NDUFB5: variants seen among roughly 807,000 people sequenced by gnomAD.
The protein encoded by NDUFB5 is NADH dehydrogenase [ubiquinone] 1 beta subcomplex subunit 5, mitochondrial.
A neutral mutation model predicts 19.4 loss-of-function variants in NDUFB5; 19 were observed. The ratio of observed to expected loss-of-function variants is 0.98; its 90% CI spans 0.68 to 1.43. The LOEUF is 1.43. NDUFB5 is among the 40% of genes most tolerant of loss of function. The pLI is 0.00. For synonymous variants in NDUFB5, 80 were observed against 82.6 expected (o/e 0.97, Z 0.17); for missense variants, 233 against 236.5 (o/e 0.99, Z 0.10).
chr3:179,615,726 T>C, intron 2 of NDUFB5: 1 of 559,680 alleles, frequency 1.8e-6, no homozygotes, highest in Non-Finnish European at 3.3e-6. Context: ...TTACTTTTCT[T>C]GTTATGACCA....
intron 1 of NDUFB5, among the ~76,000 whole-genome samples, chr3:179,609,289 G>A (rs1400156658): frequency 1.3e-5 from 2 of 152,174 alleles, no homozygotes; most frequent in African/African-American, 2.4e-5. Context: ...GGCATTGTGG[G>A]TGGTGAAAGA....
chr3:179,619,014 T>C (rs1560026537), intron 5 of NDUFB5, among the ~76,000 whole-genome samples: 1 of 152,168 alleles, frequency 6.6e-6, no homozygotes. Flanking sequence ...TTGCCCCAGC[T>C]GGGAAGCAGA....
intron 1 of NDUFB5, among the ~76,000 whole-genome samples, chr3:179,613,911 A>C (rs757127281): frequency 2.0e-5 from 3 of 152,242 alleles, no homozygotes; most frequent in Non-Finnish European, 2.9e-5. Context: ...ATCTTGGAAG[A>C]TAAGATGTTA....
rs544915275 is a variant in NDUFB5, at chr3:179,608,153, G to A, written c.124+3214G>A. On this transcript the variant is annotated intron_variant, in intron 1 of 5. Coordinates refer to ENST00000259037, the MANE Select transcript of NDUFB5 (RefSeq NM_002492.4). ...ATTTCTTGCCATCCAATAATGAGAT[G>A]CAGATGAACTGGGGAGGAAGAGAGT... 7.1e-4 allele frequency among the ~76,000 whole-genome samples: 108 copies of A among 151,988 alleles called. 1 individual carries two copies. The highest frequency in any genetic ancestry group is 3.4e-3 in the Middle Eastern group (1 of 294).
Position 179,626,720 on chromosome 3 carries a change from A to G in NDUFB5, c.*2680A>G, listed in dbSNP as rs1719681295. On this transcript the variant is annotated 3_prime_UTR_variant, in exon 6 of 6. Transcript: ENST00000259037. ...TAATTTTTTTGTATTTTTAGTAGAG[A>G]GGGGGTGTCACCATGTTGGCCAGGG... 1.3e-5 allele frequency: 2 copies of G among 151,916 alleles called. No individual in the cohort carries two copies. Among genetic ancestry groups the G allele is most frequent in the Non-Finnish European group, 2.9e-5 (2 of 68,018 alleles). The allele number at this position is 151,916 out of a possible 1,614,324, so 9.4% of individuals were successfully genotyped here.
chr3:179,616,028 ACT>A lies in NDUFB5; in HGVS notation c.262_263del (p.Leu88GlyfsTer9). ...LTGIPVAIFITLVNVFIGQAE... is the reference protein window; with the variant it reads ...LTGIPVAIFIXLVNVFIGQAE... ...TGGGATTCCAGTAGCAATTTTCATA[ACT>A]CTGGTGAATGTATTCATTGGTAAGT... On this transcript the variant is annotated frameshift_variant, in exon 3 of 6. Transcript: ENST00000259037. LOFTEE classifies it high-confidence loss of function. 2 of 1,613,604 alleles carry A rather than the reference ACT, an allele frequency of 1.2e-6. No individual in the cohort carries two copies. The highest frequency in any genetic ancestry group is 1.7e-6 in the Non-Finnish European group (2 of 1,179,802).
Position 179,624,197 on chromosome 3 carries a change from G to A in NDUFB5, c.*157G>A, listed in dbSNP as rs188902247. 1.5e-5 allele frequency: 9 copies of A among 581,464 alleles called. No homozygotes were observed. Among genetic ancestry groups the A allele is most frequent in the Non-Finnish European group, 2.2e-5 (8 of 370,596 alleles). The allele number at this position is 581,464 out of a possible 1,614,324, so 36.0% of individuals were successfully genotyped here. A position where few individuals can be genotyped will look rare whatever the true frequency, so the allele number is the denominator to read the frequency against. ...TTGAGGCTTTTGTTTGAGGAGTTTG[G>A]CTTCCAGTCCCCAAAGAAGGTTTAA... On this transcript the variant is annotated 3_prime_UTR_variant, in exon 6 of 6. Transcript: ENST00000259037.
chr3:179,622,214 A>G (rs1016943426), intron 5 of NDUFB5, among the ~76,000 whole-genome samples: 13 of 151,444 alleles, frequency 8.6e-5, no homozygotes, highest in African/African-American at 1.5e-4. Context: ...CTGATCTCGA[A>G]CTCCTGGGCT....
intron 1 of NDUFB5, among the ~76,000 whole-genome samples, chr3:179,613,337 C>T (rs1010759745): frequency 6.6e-6 from 1 of 152,120 alleles, no homozygotes; most frequent in Non-Finnish European, 1.5e-5. Context: ...CCCCTCTTCC[C>T]AACCCCCCCA....
intron 1 of NDUFB5, among the ~76,000 whole-genome samples, chr3:179,613,274 C>A (rs1049433353): frequency 1.3e-5 from 2 of 152,140 alleles, no homozygotes; most frequent in African/African-American, 4.8e-5. Flanking sequence ...TACAGTCAAT[C>A]AAGTACCCAT....
chr3:179,605,292 C>T (rs749512606), intron 1 of NDUFB5, among the ~76,000 whole-genome samples: 1 of 152,120 alleles, frequency 6.6e-6, no homozygotes, highest in Non-Finnish European at 1.5e-5. Flanking sequence ...CCCACAGATG[C>T]AAAGTCATCT....
At chr3:179,607,800 C>G (rs953386305) in intron 1 of NDUFB5, 1 of 702,752 alleles carries the variant, frequency 1.4e-6, no homozygotes, top group South Asian at 1.5e-5. Flanking sequence ...ATTTTGACTA[C>G]TCTATTTCTC....
Position 179,624,106 on chromosome 3 carries a change from G to A in NDUFB5, c.*66G>A. 1 of 1,409,342 alleles carries A rather than the reference G, an allele frequency of 7.1e-7. No individual in the cohort carries two copies. Among genetic ancestry groups the A allele is most frequent in the Non-Finnish European group, 9.6e-7 (1 of 1,043,392 alleles). The allele number at this position is 1,409,342 out of a possible 1,614,324, so 87.3% of individuals were successfully genotyped here. On this transcript the variant is annotated 3_prime_UTR_variant, in exon 6 of 6. Transcript: ENST00000259037. ...GAAAATAAATTAATAAATATATTCT[G>A]TATTTTTGCTCTCCGTGAAAAACAA...
intron 5 of NDUFB5, among the ~76,000 whole-genome samples, chr3:179,619,360 C>A (rs1719468299): frequency 6.6e-6 from 1 of 151,810 alleles, no homozygotes; most frequent in Non-Finnish European, 1.5e-5. Context: ...CTCCACCCAC[C>A]CCACAACAGG....
intron 3 of NDUFB5, among the ~76,000 whole-genome samples, chr3:179,616,548 A>C (rs111435894): frequency 0.023 from 3,438 of 151,008 alleles, 116 homozygotes; most frequent in African/African-American, 0.074. Context: ...TCCCCCCCCC[A>C]AAAAAAAACT....
At chr3:179,618,592 A>T (rs1256519694) in intron 5 of NDUFB5, 71 bp downstream of exon 5, 1 of 1,000,480 alleles carries the variant, frequency 1.0e-6, no homozygotes, top group Non-Finnish European at 1.5e-6. Flanking sequence ...AAAAATTAAT[A>T]AAACTATGAA....
chr3:179,612,609 T>G (rs928006300), intron 1 of NDUFB5, among the ~76,000 whole-genome samples: 1 of 151,426 alleles, frequency 6.6e-6, no homozygotes, highest in African/African-American at 2.4e-5. Flanking sequence ...CCCGAGTAGC[T>G]GGGACTACAG....
intron 1 of NDUFB5, among the ~76,000 whole-genome samples, chr3:179,605,412 A>G (rs1048723691): frequency 5.5e-4 from 84 of 152,244 alleles, no homozygotes; most frequent in Non-Finnish European, 1.0e-3. Flanking sequence ...CGTGCCGCCC[A>G]ATAATGAGAT....
At chr3:179,611,914 T>C (rs1459362535) in intron 1 of NDUFB5, among the ~76,000 whole-genome samples, 1 of 152,038 alleles carries the variant, frequency 6.6e-6, no homozygotes, top group Non-Finnish European at 1.5e-5. Flanking sequence ...TTATTTTTGG[T>C]GTCAGGAGGT....
Sources: gnomAD v4.1 joint callset for allele counts (sites outside exome capture counted in the v4.1 genomes callset) on GRCh38, gnomAD v4.1.1 for gene constraint, MANE v1.5 for transcripts, NCBI Gene and HGNC (gene_info 2026-07-23, HGNC 2026-07-21) for gene names.